The following GPHN variants were observed in gnomAD, a reference collection of about 807,000 sequenced individuals.
GPHN encodes gephyrin.
Under a neutral mutation model 95.5 loss-of-function variants are expected in GPHN, and 17 were observed. The ratio of observed to expected loss-of-function variants is 0.18; its 90% CI spans 0.12 to 0.27. The LOEUF is 0.27. Ranked by LOEUF, GPHN falls within the 10% of genes least tolerant of loss-of-function variation. The probability of loss-of-function intolerance (pLI) is 1.00; values close to 1 mark genes in which losing one functional copy is unlikely to be tolerated. For missense variants in GPHN, 660 were observed against 978.1 expected, an observed-to-expected ratio of 0.67 and a Z score of 4.34; for synonymous variants, 320 against 322.5, an observed-to-expected ratio of 0.99 and a Z score of 0.08.
chr14:67,171,359 A>T (rs1407431780), intron 21 of GPHN, among the ~76,000 whole-genome samples: 2 of 151,986 alleles, frequency 1.3e-5, no homozygotes, highest in Non-Finnish European at 2.9e-5. Context: ...AAACACTTCC[A>T]AAGCATCTGG....
the GPHN span, among the ~76,000 whole-genome samples, chr14:67,555,172 G>A: frequency 6.6e-6 from 1 of 152,192 alleles, no homozygotes; most frequent in African/African-American, 2.4e-5. Context: ...CCCGCCTTAG[G>A]CTTCCAAAGT....
intron 9 of GPHN, among the ~76,000 whole-genome samples, chr14:67,014,882 T>C (rs938290805): frequency 1.3e-5 from 2 of 152,200 alleles, no homozygotes; most frequent in Non-Finnish European, 2.9e-5. Context: ...ACCAAAACGA[T>C]TGTTGGTACC....
intron 4 of GPHN, among the ~76,000 whole-genome samples, chr14:66,876,311 T>C (rs2063660638): frequency 6.6e-6 from 1 of 151,802 alleles, no homozygotes. Context: ...AGATCTAAAA[T>C]CAACACCCTA....
intron 19 of GPHN, among the ~76,000 whole-genome samples, chr14:67,163,069 G>T (rs144367163): frequency 3.9e-5 from 6 of 152,250 alleles, no homozygotes; most frequent in Admixed American, 3.3e-4. Flanking sequence ...ACTTTGGGAG[G>T]CTGAGACAGG....
chr14:67,037,102 CAG>C (rs993374466), intron 10 of GPHN, among the ~76,000 whole-genome samples: 2 of 151,906 alleles, frequency 1.3e-5, no homozygotes, highest in African/African-American at 2.4e-5. Flanking sequence ...ACTAATGTAA[CAG>C]AATATAGAGC....
chr14:66,555,201 G>C (rs1231777404), intron 1 of GPHN, among the ~76,000 whole-genome samples: 1 of 152,030 alleles, frequency 6.6e-6, no homozygotes, highest in Non-Finnish European at 1.5e-5. Context: ...CATATGGTAG[G>C]TTACATAGAT....
intron 4 of GPHN, among the ~76,000 whole-genome samples, chr14:66,830,436 T>A (rs959137875): frequency 6.6e-6 from 1 of 152,100 alleles, no homozygotes; most frequent in African/African-American, 2.4e-5. Context: ...TGTTGTACAT[T>A]AAGTAAAATC....
chr14:66,758,732 G>A (rs1406012826), intron 2 of GPHN, among the ~76,000 whole-genome samples: 1 of 152,076 alleles, frequency 6.6e-6, no homozygotes, highest in Non-Finnish European at 1.5e-5. Context: ...AGAAACCTCC[G>A]GGTTATGGGT....
the GPHN span, among the ~76,000 whole-genome samples, chr14:67,308,060 A>T: frequency 6.6e-6 from 1 of 152,220 alleles, no homozygotes; most frequent in Admixed American, 6.5e-5. Flanking sequence ...GGGGAACAAC[A>T]CACACTAGGG....
At chr14:67,285,674 G>A in the GPHN span, among the ~76,000 whole-genome samples, 1 of 151,898 alleles carries the variant, frequency 6.6e-6, no homozygotes, top group African/African-American at 2.4e-5. Flanking sequence ...GACCCCCTTA[G>A]GTAATTTTAA....
the GPHN span, chr14:67,392,893 C>A: frequency 6.6e-7 from 1 of 1,512,146 alleles, no homozygotes; most frequent in African/African-American, 1.4e-5. Context: ...GATGGACCAG[C>A]GTCCTTGGGG....
the GPHN span, among the ~76,000 whole-genome samples, chr14:67,558,300 C>T: frequency 6.6e-6 from 1 of 152,192 alleles, no homozygotes; most frequent in African/African-American, 2.4e-5. Context: ...CATGCCTTCT[C>T]CATGTAGGAG....
Position 66,774,621 on chromosome 14 carries a change from C to T in GPHN, c.144-1843C>T, listed in dbSNP as rs1371125317. Among the ~76,000 whole-genome samples the T allele has an allele frequency of 2.6e-5, 4 of 152,040 alleles. No individual in the cohort carries two copies. The South Asian group carries it at 6.2e-4, about 24-fold the overall frequency. ...GTATTCCACTTATATTGTTTAATGA[C>T]CTGTTCAGTCAGTGTGTGATTCTCA... On this transcript the variant is annotated intron_variant, in intron 2 of 22. Coordinates refer to ENST00000478722, the MANE Select transcript of GPHN (RefSeq NM_020806.5).
At chr14:66,836,979 C>G (rs1156382479) in intron 4 of GPHN, among the ~76,000 whole-genome samples, 4 of 146,486 alleles carry the variant, frequency 2.7e-5, no homozygotes, top group Non-Finnish European at 6.0e-5. Flanking sequence ...AATAGGAACA[C>G]TTTTACACTG....
the GPHN span, chr14:67,221,937 T>G: frequency 8.8e-7 from 1 of 1,141,672 alleles, no homozygotes; most frequent in Non-Finnish European, 1.2e-6. Context: ...TTTCCTTTCT[T>G]CACTATGCTC....
At chr14:67,669,056 T>C in the GPHN span, among the ~76,000 whole-genome samples, 162 of 152,292 alleles carry the variant, frequency 1.1e-3, no homozygotes, top group Admixed American at 1.8e-3. Flanking sequence ...CTAAGGACTT[T>C]ACATATATTA....
At chr14:67,461,645 G>T in the GPHN span, among the ~76,000 whole-genome samples, 1 of 151,092 alleles carries the variant, frequency 6.6e-6, no homozygotes, top group Non-Finnish European at 1.5e-5. Context: ...CAGAGTCATA[G>T]GAAGAAAAAA....
At chr14:66,959,152 T>G (rs557561396) in intron 8 of GPHN, among the ~76,000 whole-genome samples, 1 of 152,280 alleles carries the variant, frequency 6.6e-6, no homozygotes, top group South Asian at 2.1e-4. Context: ...CAATATATTG[T>G]ATGCCTGTCA....
chr14:66,667,434 T>C (rs1295690269), intron 1 of GPHN, among the ~76,000 whole-genome samples: 1 of 152,186 alleles, frequency 6.6e-6, no homozygotes, highest in Non-Finnish European at 1.5e-5. Flanking sequence ...CAAAATAGCA[T>C]GGTAGTGGTA....
Sources: allele counts gnomAD v4.1 joint callset (sites outside exome capture counted in the v4.1 genomes callset), GRCh38; gene constraint gnomAD v4.1.1; transcripts MANE v1.5; gene names NCBI Gene and HGNC (gene_info 2026-07-23, HGNC 2026-07-21).